Variants in GTSF1 observed in about 807,000 individuals in gnomAD.
The protein encoded by GTSF1 is gametocyte-specific factor 1.
A neutral mutation model predicts 28.9 loss-of-function variants in GTSF1; 11 were observed. The observed-to-expected ratio is 0.38, with a 90% CI of 0.24 to 0.63. The LOEUF (loss-of-function observed/expected upper bound fraction) is 0.63. Ranked by LOEUF, GTSF1 falls within the 30% of genes least tolerant of loss-of-function variation. The pLI, the probability that GTSF1 is intolerant of heterozygous loss-of-function variation, is 0.56. For missense variants in GTSF1, 146 were observed against 201.0 expected (o/e 0.73, Z 1.66); for synonymous variants, 69 against 65.6 (o/e 1.05, Z -0.25).
rs1243861220 is a variant in GTSF1, at chr12:54,456,030, G to A, written c.*144C>T. 3 of 152,556 alleles carry A rather than the reference G, an allele frequency of 2.0e-5. No homozygotes were observed. Among genetic ancestry groups the A allele is most frequent in the African/African-American group, 7.2e-5 (3 of 41,434 alleles). 9.5% of individuals were successfully genotyped at this position (152,556 alleles called of 1,614,324 possible). A position where few individuals can be genotyped will look rare whatever the true frequency, so the allele number is the denominator to read the frequency against. On this transcript the variant is annotated 3_prime_UTR_variant, in exon 9 of 9. Coordinates refer to ENST00000305879, the MANE Select transcript of GTSF1 (RefSeq NM_144594.3). ...TGCATTAAATGAGGATTCAAGGGGG[G>A]AGGAAAAAAGTGTGCTTGTCAGTTT...
chr12:54,465,211 C>A, intron 2 of GTSF1, 44 bp from the exon 3 acceptor site: 1 of 1,274,618 alleles, frequency 7.8e-7, no homozygotes, highest in Non-Finnish European at 1.1e-6. Flanking sequence ...ATAATAGGCC[C>A]TTGTAAAACT....
chr12:54,471,166 C>G (rs936712588), intron 2 of GTSF1, 67 bp downstream of exon 2: 19 of 1,292,726 alleles, frequency 1.5e-5, no homozygotes, highest in Non-Finnish European at 1.8e-5. Context: ...CACTAAAAGT[C>G]TTGTCAGATA....
intron 5 of GTSF1, 131 bp from the exon 6 acceptor site, chr12:54,462,303 TCCTG>T (rs57286106): frequency 0.087 from 57,169 of 654,374 alleles, 2,962 homozygotes; most frequent in African/African-American, 0.17. Flanking sequence ...TGATCAAGTG[TCCTG>T]CCTAAGTGAC....
chr12:54,464,389 T>C (rs1447692009), intron 3 of GTSF1, among the ~76,000 whole-genome samples: 1 of 152,216 alleles, frequency 6.6e-6, no homozygotes, highest in Non-Finnish European at 1.5e-5. Flanking sequence ...ACAAGCACTT[T>C]TTAAAGGATG....
At position 54,462,097 on chromosome 12, in the gene GTSF1, T is replaced by A. The variant is rs770726910; in HGVS notation, c.392+12A>T. The A allele has an allele frequency of 6.2e-7, 1 of 1,603,856 alleles. No homozygotes were observed. The highest frequency in any genetic ancestry group is 8.5e-7 in the Non-Finnish European group (1 of 1,170,738). On this transcript the variant is annotated intron_variant, in intron 6 of 8. Coordinates refer to ENST00000305879, the MANE Select transcript of GTSF1 (RefSeq NM_144594.3). ...TTGGGAGACAATGCTGGGATAAGAC[T>A]ATTTCATTTACCTGTTGTTGTCAGA... is the stretch of plus-strand genomic sequence containing the variant.
Position 54,463,343 on chromosome 12 carries a change from A to C in GTSF1, c.118-46T>G. 4.4e-6 allele frequency: 7 copies of C among 1,604,628 alleles called. No individual in the cohort carries two copies. The Middle Eastern group carries it at 5.0e-4, about 114-fold the overall frequency. The stretch of plus-strand genomic sequence containing the variant: ...GATCTGTCAGTTCTCTGGATCTACT[A>C]AAGTCAACAGGGAGTAGCTAAGCCT... On this transcript the variant is annotated intron_variant, in intron 3 of 8. Coordinates refer to ENST00000305879, the MANE Select transcript of GTSF1 (RefSeq NM_144594.3).
intron 2 of GTSF1, among the ~76,000 whole-genome samples, chr12:54,466,322 A>G (rs1030552211): frequency 6.6e-6 from 1 of 152,242 alleles, no homozygotes; most frequent in Non-Finnish European, 1.5e-5. Flanking sequence ...AAACCAGGAG[A>G]CTGCTAGGAA....
At chr12:54,462,860 A>G in intron 4 of GTSF1, 135 bp from the exon 5 acceptor site, 1 of 661,212 alleles carries the variant, frequency 1.5e-6, no homozygotes, top group South Asian at 2.1e-5. Context: ...TATAAAAGCT[A>G]AAAGAGGGAT....
chr12:54,465,051 C>G lies in GTSF1; in HGVS notation c.117+16G>C. ...AAGAACTCAGGAGGGTGTTAGAGGG[C>G]AAATTATGACCCTACCTTTCTGCAC... On this transcript the variant is annotated intron_variant, in intron 3 of 8. Transcript: ENST00000305879. 2 of 1,574,820 alleles carry G rather than the reference C, an allele frequency of 1.3e-6. No homozygotes were observed. The highest frequency in any genetic ancestry group is 1.7e-6 in the Non-Finnish European group (2 of 1,145,450).
At chr12:54,467,889 T>G (rs2120789176) in intron 2 of GTSF1, among the ~76,000 whole-genome samples, 1 of 151,910 alleles carries the variant, frequency 6.6e-6, no homozygotes, top group African/African-American at 2.4e-5. Flanking sequence ...TTCTCCTGCC[T>G]CAGCCTCCCA....
chr12:54,470,865 A>G (rs187952275), intron 2 of GTSF1, among the ~76,000 whole-genome samples: 171 of 152,316 alleles, frequency 1.1e-3, no homozygotes, highest in African/African-American at 3.8e-3. Context: ...CACTTGAGAA[A>G]TAAGAATCCT....
At chr12:54,463,418 C>G in intron 3 of GTSF1, 121 bp from the exon 4 acceptor site, 2 of 816,186 alleles carry the variant, frequency 2.5e-6, no homozygotes, top group Admixed American at 2.7e-5. Context: ...TCTGGCTTAA[C>G]TATAACAAGT....
chr12:54,463,635 C>A (rs745570341), intron 3 of GTSF1, among the ~76,000 whole-genome samples: 3 of 152,148 alleles, frequency 2.0e-5, no homozygotes, highest in African/African-American at 7.2e-5. Context: ...GGCAGCACAG[C>A]CCGTAATGAG....
chr12:54,463,031 C>T, intron 4 of GTSF1, 140 bp downstream of exon 4: 1 of 778,856 alleles, frequency 1.3e-6, no homozygotes, highest in Non-Finnish European at 2.0e-6. Flanking sequence ...CCTATTGCTG[C>T]CATGATACAA....
chr12:54,472,658 C>A (rs1405764139), intron 1 of GTSF1: 2 of 152,178 alleles, frequency 1.3e-5, no homozygotes, highest in East Asian at 3.9e-4. Context: ...CTCCTTTGGC[C>A]CCTCACACAA....
intron 2 of GTSF1, among the ~76,000 whole-genome samples, chr12:54,470,210 AGGGGCAGGGGATCCCT>A (rs1956577369): frequency 1.3e-5 from 2 of 152,168 alleles, no homozygotes; most frequent in South Asian, 4.1e-4. Flanking sequence ...AGAAAAATTA[AGGGGCAGGGGATCCCT>A]TTTCTCAAGT....
intron 7 of GTSF1, chr12:54,459,330 A>G (rs1222039554): frequency 2.7e-5 from 39 of 1,443,526 alleles, no homozygotes; most frequent in Non-Finnish European, 3.3e-5. Context: ...TTTGACATAT[A>G]ATTTGGTGAC....
intron 6 of GTSF1, among the ~76,000 whole-genome samples, chr12:54,461,721 CAAAT>C (rs1213616820): frequency 6.6e-6 from 1 of 152,104 alleles, no homozygotes; most frequent in East Asian, 1.9e-4. Context: ...TTTCCAATCT[CAAAT>C]AAAGAATTTT....
At chr12:54,461,595 A>T (rs1353634171) in intron 6 of GTSF1, among the ~76,000 whole-genome samples, 1 of 152,086 alleles carries the variant, frequency 6.6e-6, no homozygotes, top group East Asian at 1.9e-4. Flanking sequence ...GTGAGCCATG[A>T]TCATGCCATT....
Sources: gnomAD v4.1 joint callset for allele counts (sites outside exome capture counted in the v4.1 genomes callset) on GRCh38, gnomAD v4.1.1 for gene constraint, MANE v1.5 for transcripts, NCBI Gene and HGNC (gene_info 2026-07-23, HGNC 2026-07-21) for gene names.